TAS1R2: variants seen among roughly 807,000 people sequenced by gnomAD.
The protein encoded by TAS1R2 is taste receptor type 1 member 2.
TAS1R2 carries 47 observed loss-of-function variants against 49.3 expected under a neutral mutation model. The observed-to-expected ratio is 0.95, with a 90% CI of 0.75 to 1.22. TAS1R2 has a LOEUF of 1.22. Ranked by LOEUF, TAS1R2 falls within the 50% of genes most tolerant of loss-of-function variation. TAS1R2 has a pLI of 0.00. For synonymous variants in TAS1R2, 479 were observed against 467.9 expected (o/e 1.02, Z -0.31); for missense variants, 1,155 against 1,122.1 (o/e 1.03, Z -0.42).
At chr1:18,846,867 T>C (rs1288384987) in intron 4 of TAS1R2, among the ~76,000 whole-genome samples, 1 of 152,236 alleles carries the variant, frequency 6.6e-6, no homozygotes, top group Non-Finnish European at 1.5e-5. Context: ...ATCATGGGGA[T>C]AGAGTTCTCA....
chr1:18,843,712 T>C (rs1386890689), intron 4 of TAS1R2, among the ~76,000 whole-genome samples: 1 of 152,168 alleles, frequency 6.6e-6, no homozygotes, highest in Non-Finnish European at 1.5e-5. Context: ...GATGCAACAA[T>C]GCCATGCCTT....
intron 1 of TAS1R2, chr1:18,858,240 A>G (rs1934176442): frequency 6.5e-6 from 1 of 153,598 alleles, no homozygotes; most frequent in African/African-American, 2.4e-5. Context: ...CACCACCCCC[A>G]TCACCATCAT....
At chr1:18,853,896 A>C (rs982735226) in intron 3 of TAS1R2, among the ~76,000 whole-genome samples, 29 of 152,188 alleles carry the variant, frequency 1.9e-4, no homozygotes, top group Admixed American at 1.9e-3. Flanking sequence ...CAAGGCCTTT[A>C]GAGGGTCCAC....
rs1194913290 is a variant in TAS1R2, at chr1:18,854,265, A to G, written c.1205T>C (p.Leu402Pro). ...GCAGGTGCTTTTGTCACAGCCGAGG[A>G]GGCTGTGCAGGGCATGGGCCACAGC... Residue 402 changes from leucine to proline, a missense_variant, in exon 3 of 6, where the codon CTC becomes CCC. Transcript: ENST00000375371. The surrounding 1 kb of genome is among the most constrained non-coding windows in gnomAD (Gnocchi z 4.9). 6.2e-7 allele frequency: 1 copy of G among 1,614,156 alleles called. No individual in the cohort carries two copies.
rs78175756 is a variant in TAS1R2, at chr1:18,853,299, A to G, written c.1257+914T>C. On this transcript the variant is annotated intron_variant, in intron 3 of 5. Coordinates refer to ENST00000375371, the Ensembl canonical transcript of TAS1R2. ...TAAAGCACCCATGATAATTATGTAT[A>G]TTATTAATGTAACAGGACATACAGC... is the stretch of plus-strand genomic sequence containing the variant. Among the ~76,000 whole-genome samples, 672 of 152,328 alleles carry G rather than the reference A, an allele frequency of 4.4e-3. 20 individuals are homozygous for G. The East Asian group carries it at 0.084, about 19-fold the overall frequency.
At chr1:18,849,417 C>A in exon 4 of TAS1R2, 1 of 1,614,236 alleles carries the variant, frequency 6.2e-7, no homozygotes, top group Non-Finnish European at 8.5e-7. Flanking sequence ...GGAGGCGACG[C>A]TCTGGAAGGG....
intron 4 of TAS1R2, among the ~76,000 whole-genome samples, chr1:18,846,656 A>T (rs1338317081): frequency 6.6e-6 from 1 of 152,240 alleles, no homozygotes; most frequent in Non-Finnish European, 1.5e-5. Context: ...GTTAAGATGA[A>T]GTCATCCTGG....
chr1:18,844,760 AAGAAG>A (rs1022867495), intron 4 of TAS1R2, among the ~76,000 whole-genome samples: 2 of 17,302 alleles, frequency 1.2e-4, no homozygotes, highest in Non-Finnish European at 5.7e-4. Context: ...TCAGAAAAAA[AAGAAG>A]AAGAAGAAGA....
At position 18,854,926 on chromosome 1, in the gene TAS1R2, G is replaced by A. The variant is rs140292020; in HGVS notation, c.544C>T (p.Arg182Cys). ...TGGTGGTCGGCGCTGGGTGTGGTAC[G>A]CAGCAAAGCCGGGAAGCGCACCTTG... The change falls in exon 3 of 6, where the codon CGT (arginine) becomes TGT (cysteine). Residue 182 changes from arginine (R) to cysteine (C), a missense_variant. Transcript: ENST00000375371. The surrounding 1 kb of genome is among the most constrained non-coding windows in gnomAD (Gnocchi z 4.9). 27 of 1,610,700 alleles carry A rather than the reference G, an allele frequency of 1.7e-5. No homozygotes were observed. Among genetic ancestry groups the A allele is most frequent in the South Asian group, 5.5e-5 (5 of 91,046 alleles).
At chr1:18,853,865 T>C (rs192237620) in intron 3 of TAS1R2, among the ~76,000 whole-genome samples, 153 of 152,200 alleles carry the variant, frequency 1.0e-3, no homozygotes, top group Non-Finnish European at 2.0e-3. Flanking sequence ...ACTAGGGTAA[T>C]GAAGACCCAC....
At chr1:18,858,341 C>T (rs545446603) in intron 1 of TAS1R2, 5 of 152,746 alleles carry the variant, frequency 3.3e-5, no homozygotes, top group African/African-American at 1.2e-4. Flanking sequence ...TCACTAACAC[C>T]ATCACCAGCA....
chr1:18,845,134 T>C (rs571615171), intron 4 of TAS1R2, among the ~76,000 whole-genome samples: 2 of 152,248 alleles, frequency 1.3e-5, no homozygotes, highest in African/African-American at 4.8e-5. Context: ...ACAGAGCAAA[T>C]GATTTATTGA....
intron 4 of TAS1R2, among the ~76,000 whole-genome samples, chr1:18,846,686 C>T (rs1229821387): frequency 6.6e-6 from 1 of 152,184 alleles, no homozygotes; most frequent in Non-Finnish European, 1.5e-5. Context: ...GGTCCTTAAT[C>T]TCATATGAGT....
At chr1:18,850,304 G>A (rs1286451073) in intron 3 of TAS1R2, among the ~76,000 whole-genome samples, 1 of 152,200 alleles carries the variant, frequency 6.6e-6, no homozygotes, top group African/African-American at 2.4e-5. Context: ...ATATCCCATG[G>A]ACCTGGCTCC....
chr1:18,853,634 A>G (rs1026645992), intron 3 of TAS1R2, among the ~76,000 whole-genome samples: 38 of 152,200 alleles, frequency 2.5e-4, no homozygotes, highest in African/African-American at 8.9e-4. Context: ...CAAACTGTGA[A>G]AAAGCCAAGG....
In TAS1R2 at chr1:18,840,544, G is replaced by T; in HGVS notation, c.1592-17C>A. On this transcript the variant is annotated splice_polypyrimidine_tract_variant and intron_variant, in intron 5 of 5. Transcript: ENST00000375371. ...CATATTCATCTGCAAAAGCCACAGC[G>T]ACTCCCATTAGCCAAGCCCATCTTC... 2 of 1,613,876 alleles carry T rather than the reference G, an allele frequency of 1.2e-6. No homozygotes were observed. Among genetic ancestry groups the T allele is most frequent in the South Asian group, 2.2e-5 (2 of 90,994 alleles).
chr1:18,850,415 G>A (rs546669385), intron 3 of TAS1R2, among the ~76,000 whole-genome samples: 11 of 152,346 alleles, frequency 7.2e-5, no homozygotes, highest in African/African-American at 2.4e-5. Context: ...CAAGGGAGTC[G>A]GGCCCTGGCC....
At position 18,848,523 on chromosome 1, in the gene TAS1R2, G is replaced by A. The variant is rs76799804; in HGVS notation, c.1467+818C>T. Among the ~76,000 whole-genome samples, 485 of 151,044 alleles carry A rather than the reference G, an allele frequency of 3.2e-3. 5 individuals are homozygous for A. Among genetic ancestry groups the A allele is most frequent in the African/African-American group, 0.01 (423 of 40,970 alleles). On this transcript the variant is annotated intron_variant, in intron 4 of 5. Transcript: ENST00000375371. ...GATAAAGCAGAGGTCCCTAATCCCCGGGACACAGACCAGTACCAGTCTGTG... is the reference window on the plus strand; with the variant it reads ...GATAAAGCAGAGGTCCCTAATCCCCAGGACACAGACCAGTACCAGTCTGTG...
chr1:18,844,267 A>G (rs1314486076), intron 4 of TAS1R2, among the ~76,000 whole-genome samples: 1 of 152,182 alleles, frequency 6.6e-6, no homozygotes, highest in Non-Finnish European at 1.5e-5. Flanking sequence ...GAGATCCTGG[A>G]CATATGGAAT....
Sources: gnomAD v4.1 joint callset for allele counts (sites outside exome capture counted in the v4.1 genomes callset) on GRCh38, gnomAD v4.1.1 for gene constraint, Gnocchi (gnomAD v3.1) non-coding constraint, MANE v1.5 for transcripts, NCBI Gene and HGNC (gene_info 2026-07-23, HGNC 2026-07-21) for gene names.